SLC22A25: variants seen among roughly 807,000 people sequenced by gnomAD.
The protein encoded by SLC22A25 is MGI:2442751, MGI:2385316, MGI:3042283, MGI:3645714, MGI:3605624, MGI:2442750.
SLC22A25 carries 44 observed loss-of-function variants against 45.9 expected under a neutral mutation model. The observed-to-expected ratio is 0.96, with a 90% CI of 0.75 to 1.23. The LOEUF is 1.23. SLC22A25 is among the 50% of genes most tolerant of loss of function. The pLI, the probability that SLC22A25 is intolerant of heterozygous loss-of-function variation, is 0.00. For missense variants in SLC22A25, 800 were observed against 666.4 expected, an observed-to-expected ratio of 1.20 and a Z score of -2.21; for synonymous variants, 283 against 238.6, an observed-to-expected ratio of 1.19 and a Z score of -1.72.
chr11:63,193,915 A>G (rs1368103874), intron 7 of SLC22A25, among the ~76,000 whole-genome samples: 1 of 152,180 alleles, frequency 6.6e-6, no homozygotes, highest in African/African-American at 2.4e-5. Context: ...AAAAACCTTG[A>G]AAAAAGATTC....
chr11:63,240,868 G>A (rs543206119), intron 1 of SLC22A25, among the ~76,000 whole-genome samples: 1 of 152,212 alleles, frequency 6.6e-6, no homozygotes, highest in South Asian at 2.1e-4. Flanking sequence ...AACCTGTTAT[G>A]CAACTAGTAA....
chr11:63,186,933 T>C (rs1027409054), intron 7 of SLC22A25, among the ~76,000 whole-genome samples: 3 of 152,178 alleles, frequency 2.0e-5, no homozygotes, highest in Non-Finnish European at 4.4e-5. Flanking sequence ...TACCATGCTG[T>C]TTTGGTGACT....
chr11:63,183,914 C>A, intron 7 of SLC22A25, 97 bp from the exon 8 acceptor site: 2 of 1,522,624 alleles, frequency 1.3e-6, no homozygotes, highest in South Asian at 1.2e-5. Flanking sequence ...TAAGCTAATA[C>A]CCACCTCTTG....
intron 7 of SLC22A25, 121 bp downstream of exon 7, chr11:63,217,193 G>T: frequency 9.2e-7 from 1 of 1,091,278 alleles, no homozygotes; most frequent in Non-Finnish European, 1.2e-6. Flanking sequence ...TGCATATTTA[G>T]CACAGATTAG....
chr11:63,243,408 AG>A (rs2090284592), intron 1 of SLC22A25, 25 bp downstream of exon 1: 1 of 716,624 alleles, frequency 1.4e-6, no homozygotes, highest in African/African-American at 1.7e-5. Flanking sequence ...TGTGAAGAAA[AG>A]GTTTTCCCTC....
rs151249364 is a variant in SLC22A25 at position 63,188,347 on chromosome 11, T to C, written c.831-4530A>G. The stretch of plus-strand genomic sequence containing the variant: ...TTTATTTGCATAGAGGTTTTTATAA[T>C]ATTGTCTGATGGTAGTTTGTATTTC... On this transcript the variant is annotated intron_variant, in intron 7 of 11. Coordinates refer to ENST00000306494, the MANE Select transcript of SLC22A25 (RefSeq NM_199352.6). Among the ~76,000 whole-genome samples the C allele has an allele frequency of 2.4e-3, 363 of 152,340 alleles. 1 individual carries two copies. Among genetic ancestry groups the C allele is most frequent in the African/African-American group, 8.5e-3 (353 of 41,584 alleles).
Position 63,197,131 on chromosome 11 carries a change from C to G in SLC22A25, c.831-13314G>C, listed in dbSNP as rs4611209. ...GGACACAAACAAATGGAACACCATT[C>G]CATGCTTCTGGATAGGAAGAATCAG... On this transcript the variant is annotated intron_variant, in intron 7 of 11. Coordinates refer to ENST00000306494, the MANE Select transcript of SLC22A25 (RefSeq NM_199352.6). Among the ~76,000 whole-genome samples, 972 of 152,272 alleles carry G rather than the reference C, an allele frequency of 6.4e-3. 4 individuals are homozygous for G. The highest frequency in any genetic ancestry group is 0.01 in the Non-Finnish European group (707 of 68,024).
intron 1 of SLC22A25, 115 bp downstream of exon 1, chr11:63,243,319 T>C (rs1276521626): frequency 8.3e-6 from 4 of 483,186 alleles, no homozygotes; most frequent in Admixed American, 3.1e-5. Flanking sequence ...GCCAACATGA[T>C]TGAACCATTT....
intron 7 of SLC22A25, among the ~76,000 whole-genome samples, chr11:63,190,020 G>T (rs1397898860): frequency 2.6e-5 from 4 of 152,128 alleles, no homozygotes; most frequent in South Asian, 4.1e-4. Flanking sequence ...ACAATTATGT[G>T]TCTTGGAGTT....
intron 3 of SLC22A25, among the ~76,000 whole-genome samples, chr11:63,233,185 A>C (rs1448015618): frequency 6.6e-6 from 1 of 152,046 alleles, no homozygotes; most frequent in Admixed American, 6.6e-5. Context: ...TTTTCTATTG[A>C]TTGTAGTACT....
At chr11:63,216,651 AT>A (rs1160244513) in intron 7 of SLC22A25, among the ~76,000 whole-genome samples, 1 of 152,140 alleles carries the variant, frequency 6.6e-6, no homozygotes, top group East Asian at 1.9e-4. Context: ...ACATGTTCCC[AT>A]TTATAAGTGG....
intron 7 of SLC22A25, among the ~76,000 whole-genome samples, chr11:63,190,732 A>G (rs1207723060): frequency 1.3e-5 from 2 of 148,772 alleles, no homozygotes; most frequent in African/African-American, 2.4e-5. Flanking sequence ...TTTGGTGTGG[A>G]TGTCCTTTCT....
chr11:63,211,676 T>C (rs1255328335), intron 7 of SLC22A25, among the ~76,000 whole-genome samples: 1 of 152,074 alleles, frequency 6.6e-6, no homozygotes, highest in Admixed American at 6.5e-5. Context: ...TCAAGATGGA[T>C]TAAAGACTTA....
At chr11:63,240,073 T>C (rs2090223521) in intron 1 of SLC22A25, among the ~76,000 whole-genome samples, 1 of 152,216 alleles carries the variant, frequency 6.6e-6, no homozygotes, top group African/African-American at 2.4e-5. Context: ...GTATAGCCTA[T>C]TGCTCATATC....
In SLC22A25 at chr11:63,239,033, G is replaced by A. The variant is rs1037023954; in HGVS notation, c.-893C>T. The A allele has an allele frequency of 4.7e-5, 8 of 169,942 alleles. No homozygotes were observed. Among genetic ancestry groups the A allele is most frequent in the Non-Finnish European group, 1.1e-4 (8 of 76,170 alleles). The allele number at this position is 169,942 out of a possible 1,614,324, so 10.5% of individuals were successfully genotyped here. A position where few individuals can be genotyped will look rare whatever the true frequency, so the allele number is the denominator to read the frequency against. ...TACAACACGAGGGCAAACTATAAAG[G>A]TGGAGATGATAAGAAAAACCATCTG... On this transcript the variant is annotated 5_prime_UTR_variant, in exon 2 of 12. Transcript: ENST00000306494.
chr11:63,234,861 T>G (rs1183783180), intron 3 of SLC22A25, among the ~76,000 whole-genome samples: 1 of 152,218 alleles, frequency 6.6e-6, no homozygotes, highest in Non-Finnish European at 1.5e-5. Flanking sequence ...AGCATTTGCT[T>G]GTGTGTAAAT....
At chr11:63,237,218 G>A (rs888019875) in intron 3 of SLC22A25, among the ~76,000 whole-genome samples, 4 of 152,218 alleles carry the variant, frequency 2.6e-5, no homozygotes, top group Middle Eastern at 3.4e-3. Flanking sequence ...GAAAGGTATA[G>A]GTTGAAAAAA....
chr11:63,179,228 ATT>A (rs1341053345), intron 9 of SLC22A25, among the ~76,000 whole-genome samples: 1 of 152,146 alleles, frequency 6.6e-6, no homozygotes, highest in African/African-American at 2.4e-5. Flanking sequence ...AAATGCTGGA[ATT>A]ACAGGCATGA....
intron 3 of SLC22A25, among the ~76,000 whole-genome samples, chr11:63,235,341 T>C (rs1218866156): frequency 6.6e-6 from 1 of 152,214 alleles, no homozygotes; most frequent in Admixed American, 6.5e-5. Context: ...CTTTGTTCAT[T>C]TGTTTTTATT....
Sources: allele counts gnomAD v4.1 joint callset (sites outside exome capture counted in the v4.1 genomes callset), GRCh38; gene constraint gnomAD v4.1.1; transcripts MANE v1.5; gene names NCBI Gene and HGNC (gene_info 2026-07-23, HGNC 2026-07-21).